Variants in GPHN observed in about 807,000 individuals in gnomAD.
GPHN encodes the protein gephyrin.
A neutral mutation model predicts 95.5 loss-of-function variants in GPHN; 17 were observed. The ratio of observed to expected loss-of-function variants is 0.18; its 90% confidence interval spans 0.12 to 0.27. The LOEUF is 0.27. GPHN is among the 10% of genes least tolerant of loss of function. The pLI, the probability that GPHN is intolerant of heterozygous loss-of-function variation, is 1.00. For synonymous variants in GPHN, 320 were observed against 322.5 expected (o/e 0.99, Z 0.08); for missense variants, 660 against 978.1 (o/e 0.67, Z 4.34).
chr14:67,210,504 C>CA, the GPHN span, among the ~76,000 whole-genome samples: 1 of 151,950 alleles, frequency 6.6e-6, no homozygotes, highest in African/African-American at 2.4e-5. Context: ...AGCAAAATTC[C>CA]AAAAAATGTA....
At chr14:67,185,361 G>T (rs8009649), downstream of GPHN, among the ~76,000 whole-genome samples, 88 of 152,288 alleles carry the variant, frequency 5.8e-4, no homozygotes, top group African/African-American at 1.9e-3. Context: ...GTTAGAAAAG[G>T]GAGAAGATGT....
chr14:66,788,193 C>T (rs938832752), intron 3 of GPHN, among the ~76,000 whole-genome samples: 8 of 152,130 alleles, frequency 5.3e-5, no homozygotes, highest in Admixed American at 3.9e-4. Flanking sequence ...CCTGTAATCC[C>T]AGCTACTCTG....
intron 9 of GPHN, among the ~76,000 whole-genome samples, chr14:67,000,131 C>A (rs774541545): frequency 1.3e-5 from 2 of 151,772 alleles, no homozygotes; most frequent in Non-Finnish European, 3.0e-5. Context: ...AAAGTTGTAA[C>A]ATGCAAAATA....
chr14:67,277,115 T>A, the GPHN span, among the ~76,000 whole-genome samples: 3 of 152,196 alleles, frequency 2.0e-5, no homozygotes, highest in African/African-American at 7.2e-5. Context: ...ATGAAAACAT[T>A]TAAAAAGCTG....
At chr14:66,562,865 CTGTGTGTGTGTGTGTT>C (rs922094950) in intron 1 of GPHN, among the ~76,000 whole-genome samples, 29 of 151,130 alleles carry the variant, frequency 1.9e-4, no homozygotes, top group African/African-American at 6.3e-4. Context: ...GATTTTGTGT[CTGTGTGTGTGTGTGTT>C]TGTGTGTGTG....
chr14:67,244,928 A>G, the GPHN span, among the ~76,000 whole-genome samples: 1 of 152,174 alleles, frequency 6.6e-6, no homozygotes, highest in South Asian at 2.1e-4. Context: ...CAGAATCTTT[A>G]AAAAAGGAAA....
chr14:66,806,547 G>A (rs905519859), intron 3 of GPHN, among the ~76,000 whole-genome samples: 53 of 152,036 alleles, frequency 3.5e-4, no homozygotes, highest in African/African-American at 1.2e-3. Context: ...AAAACTGAAT[G>A]CCTTTAACAG....
At chr14:66,710,336 C>T (rs1265061671) in intron 2 of GPHN, among the ~76,000 whole-genome samples, 1 of 152,102 alleles carries the variant, frequency 6.6e-6, no homozygotes, top group Admixed American at 6.6e-5. Flanking sequence ...GGCGTGGAAT[C>T]TGAGAATTCT....
the GPHN span, among the ~76,000 whole-genome samples, chr14:67,300,499 T>C: frequency 1.3e-5 from 2 of 152,262 alleles, no homozygotes; most frequent in African/African-American, 4.8e-5. Flanking sequence ...GGCTAATTTT[T>C]GTATTTTTAG....
chr14:67,004,867 G>C (rs2072493071), intron 9 of GPHN, among the ~76,000 whole-genome samples: 1 of 151,668 alleles, frequency 6.6e-6, no homozygotes, highest in Non-Finnish European at 1.5e-5. Flanking sequence ...ATCTTGGAAA[G>C]GAGAGATAAA....
At chr14:67,459,599 C>T in the GPHN span, among the ~76,000 whole-genome samples, 10 of 152,198 alleles carry the variant, frequency 6.6e-5, no homozygotes, top group African/African-American at 2.2e-4. Context: ...ACTGGCTGGA[C>T]GCAAACACAG....
At chr14:67,133,033 T>C (rs962415530) in intron 17 of GPHN, among the ~76,000 whole-genome samples, 4 of 152,060 alleles carry the variant, frequency 2.6e-5, no homozygotes, top group Non-Finnish European at 4.4e-5. Flanking sequence ...TTTACATGAC[T>C]CCATGGTCCC....
chr14:67,410,573 C>T, the GPHN span, among the ~76,000 whole-genome samples: 1 of 152,206 alleles, frequency 6.6e-6, no homozygotes, highest in Admixed American at 6.5e-5. Flanking sequence ...TCAGCTTCTA[C>T]CCTCCTTGCT....
chr14:66,997,758 T>C (rs1246501709), intron 9 of GPHN, among the ~76,000 whole-genome samples: 1 of 152,164 alleles, frequency 6.6e-6, no homozygotes, highest in East Asian at 1.9e-4. Flanking sequence ...ACTGTGAGAT[T>C]TTTTTCTCTT....
chr14:66,927,367 T>TA (rs1336101116), intron 8 of GPHN, among the ~76,000 whole-genome samples: 10 of 149,626 alleles, frequency 6.7e-5, no homozygotes, highest in African/African-American at 2.3e-4. Context: ...AAAAAAAAGA[T>TA]ATGCTACTAA....
At chr14:67,692,439 A>G in the GPHN span, 1 of 1,613,962 alleles carries the variant, frequency 6.2e-7, no homozygotes, top group Admixed American at 1.7e-5. Context: ...TACACTTACC[A>G]GCTAAGAAGC....
chr14:67,260,564 G>A, the GPHN span, among the ~76,000 whole-genome samples: 1 of 152,176 alleles, frequency 6.6e-6, no homozygotes, highest in African/African-American at 2.4e-5. Flanking sequence ...AGGGTAGTTT[G>A]TAGAGGAGAG....
chr14:66,704,918 C>T (rs112194562), intron 2 of GPHN, among the ~76,000 whole-genome samples: 1,899 of 125,684 alleles, frequency 0.015, 39 homozygotes, highest in African/African-American at 0.066. Context: ...AGACTGCTAG[C>T]CAGACTAGTA....
the GPHN span, chr14:67,724,693 G>A: frequency 6.6e-6 from 6 of 910,320 alleles, no homozygotes; most frequent in South Asian, 6.8e-5. Context: ...AGGCTTGGGG[G>A]CTCTGACTAG....
Sources: gnomAD v4.1 joint callset for allele counts (sites outside exome capture counted in the v4.1 genomes callset) on GRCh38, gnomAD v4.1.1 for gene constraint, MANE v1.5 for transcripts, NCBI Gene and HGNC (gene_info 2026-07-23, HGNC 2026-07-21) for gene names.